Variants in CNTN4 observed in about 807,000 individuals in gnomAD.
The protein encoded by CNTN4 is contactin-4.
In CNTN4, 77 loss-of-function variants were observed where a neutral mutation model predicts 122.5. That is an observed-to-expected ratio of 0.63 (90% CI 0.52 to 0.76). The LOEUF is 0.76. Ranked by LOEUF, CNTN4 falls within the 30% of genes least tolerant of loss-of-function variation. CNTN4 has a pLI of 0.00. For synonymous variants in CNTN4, 512 were observed against 447.0 expected (o/e 1.15, Z -1.83); for missense variants, 1,256 against 1,259.1 (o/e 1.00, Z 0.04).
intron 4 of CNTN4, among the ~76,000 whole-genome samples, chr3:2,677,524 G>A (rs78647604): frequency 0.028 from 3,502 of 125,232 alleles, 49 homozygotes; most frequent in South Asian, 0.04. Context: ...CTATCTATCT[G>A]TAGAGAGAAA....
At chr3:2,843,813 A>G (rs1425129620) in intron 7 of CNTN4, among the ~76,000 whole-genome samples, 1 of 152,182 alleles carries the variant, frequency 6.6e-6, no homozygotes, top group Non-Finnish European at 1.5e-5. Context: ...TAATTTTCTT[A>G]TAAATTACTC....
intron 2 of CNTN4, among the ~76,000 whole-genome samples, chr3:2,215,080 A>G (rs1379816481): frequency 6.6e-6 from 1 of 152,208 alleles, no homozygotes; most frequent in Non-Finnish European, 1.5e-5. Flanking sequence ...AGATACAAAC[A>G]TATCCTTTCT....
At chr3:2,481,829 C>T (rs896413026) in intron 3 of CNTN4, among the ~76,000 whole-genome samples, 4 of 152,122 alleles carry the variant, frequency 2.6e-5, no homozygotes, top group Admixed American at 2.0e-4. Context: ...AATGCTAGCA[C>T]TCATTCTCTC....
At chr3:2,409,389 A>G (rs950599542) in intron 3 of CNTN4, among the ~76,000 whole-genome samples, 8 of 151,830 alleles carry the variant, frequency 5.3e-5, no homozygotes. Flanking sequence ...CTGGGACTAC[A>G]GGCGCCCGCC....
chr3:2,750,972 G>A (rs981699400), intron 6 of CNTN4, among the ~76,000 whole-genome samples: 1 of 152,098 alleles, frequency 6.6e-6, no homozygotes, highest in Non-Finnish European at 1.5e-5. Flanking sequence ...CCTTATAAGT[G>A]TTTCTATTGG....
chr3:2,375,622 CA>C (rs1337477412), intron 3 of CNTN4, among the ~76,000 whole-genome samples: 1 of 152,130 alleles, frequency 6.6e-6, no homozygotes, highest in Non-Finnish European at 1.5e-5. Context: ...GTGGCTGGAG[CA>C]AAAAGCAACT....
intron 4 of CNTN4, among the ~76,000 whole-genome samples, chr3:2,643,708 G>A (rs2082997741): frequency 6.6e-6 from 1 of 152,182 alleles, no homozygotes; most frequent in Non-Finnish European, 1.5e-5. Context: ...GGAGATAAAA[G>A]TGGTGATGCG....
At position 2,583,568 on chromosome 3, in the gene CNTN4, G is replaced by T. The variant is rs186420890; in HGVS notation, c.55+12010G>T. Among the ~76,000 whole-genome samples the T allele has an allele frequency of 5.8e-4, 88 of 152,322 alleles. 1 individual carries two copies. The highest frequency in any genetic ancestry group is 2.0e-3 in the African/African-American group (84 of 41,586). Reference sequence around the variant, plus strand: ...TGATTGGCTTTGTCAAAAGATTTCAGATAGTGGTTTTGGGGAACTTGGTGA... The same window carrying T: ...TGATTGGCTTTGTCAAAAGATTTCATATAGTGGTTTTGGGGAACTTGGTGA... On this transcript the variant is annotated intron_variant, in intron 4 of 24. Transcript: ENST00000418658.
chr3:2,916,246 C>T (rs574274709), intron 12 of CNTN4, among the ~76,000 whole-genome samples: 24 of 150,192 alleles, frequency 1.6e-4, no homozygotes, highest in South Asian at 1.3e-3. Context: ...GGTGTTTCTC[C>T]GAGAGGGGGA....
intron 13 of CNTN4, among the ~76,000 whole-genome samples, chr3:2,944,083 C>A (rs895947161): frequency 1.3e-5 from 2 of 151,772 alleles, no homozygotes; most frequent in South Asian, 2.1e-4. Flanking sequence ...GCTCTAATAA[C>A]CTTTACCTGT....
At chr3:2,579,297 G>A (rs554364676) in intron 4 of CNTN4, among the ~76,000 whole-genome samples, 2 of 152,316 alleles carry the variant, frequency 1.3e-5, no homozygotes, top group South Asian at 4.1e-4. Flanking sequence ...CCAATTATGT[G>A]TACCTAACGT....
At chr3:2,229,168 C>A in intron 2 of CNTN4, among the ~76,000 whole-genome samples, 1 of 151,984 alleles carries the variant, frequency 6.6e-6, no homozygotes, top group East Asian at 1.9e-4. Flanking sequence ...TATATTGAAC[C>A]AGGTCTGTGA....
intron 4 of CNTN4, among the ~76,000 whole-genome samples, chr3:2,701,600 T>C (rs759455502): frequency 6.6e-6 from 1 of 152,176 alleles, no homozygotes; most frequent in South Asian, 2.1e-4. Flanking sequence ...GGACAGCGCA[T>C]GCGTAGCATT....
chr3:3,048,549 T>C (rs1700921678), intron 23 of CNTN4, among the ~76,000 whole-genome samples: 1 of 151,692 alleles, frequency 6.6e-6, no homozygotes, highest in Non-Finnish European at 1.5e-5. Context: ...TGTGTGTATT[T>C]GTGTGTGTGT....
intron 24 of CNTN4, among the ~76,000 whole-genome samples, chr3:3,055,846 G>A (rs2125926677): frequency 6.6e-6 from 1 of 152,280 alleles, no homozygotes; most frequent in Middle Eastern, 3.4e-3. Context: ...CTGTTTATCA[G>A]TATTGTTACT....
chr3:2,680,735 G>A (rs945613129), intron 4 of CNTN4, among the ~76,000 whole-genome samples: 2 of 152,212 alleles, frequency 1.3e-5, no homozygotes, highest in Middle Eastern at 3.4e-3. Flanking sequence ...TAGGTGCTTG[G>A]ATTGCAGTGT....
intron 2 of CNTN4, among the ~76,000 whole-genome samples, chr3:2,259,323 G>A (rs1297620147): frequency 1.3e-5 from 2 of 152,292 alleles, no homozygotes; most frequent in East Asian, 3.9e-4. Context: ...AATGACTGAT[G>A]TTTTATGAAG....
At chr3:2,165,738 A>G (rs1324422937) in intron 2 of CNTN4, among the ~76,000 whole-genome samples, 1 of 151,416 alleles carries the variant, frequency 6.6e-6, no homozygotes, top group South Asian at 2.1e-4. Flanking sequence ...TTCTGTTTCT[A>G]TGGGTTCAAC....
chr3:2,276,370 C>T (rs1390032954), intron 2 of CNTN4, among the ~76,000 whole-genome samples: 1 of 152,044 alleles, frequency 6.6e-6, no homozygotes, highest in Non-Finnish European at 1.5e-5. Flanking sequence ...GAGAGGGTTT[C>T]ACCACGTTGG....
Sources: gnomAD v4.1 joint callset for allele counts (sites outside exome capture counted in the v4.1 genomes callset) on GRCh38, gnomAD v4.1.1 for gene constraint, MANE v1.5 for transcripts, NCBI Gene and HGNC (gene_info 2026-07-23, HGNC 2026-07-21) for gene names.